Variants in SAMD12 observed in about 807,000 individuals in gnomAD.
SAMD12 encodes sterile alpha motif domain-containing protein 12.
In SAMD12, 9 loss-of-function variants were observed where a neutral mutation model predicts 15.0. That is an observed-to-expected ratio of 0.60 (90% CI 0.36 to 1.05). The LOEUF (loss-of-function observed/expected upper bound fraction) is 1.05. SAMD12 is among the 50% of genes least tolerant of loss of function. The pLI, the probability that SAMD12 is intolerant of heterozygous loss-of-function variation, is 0.01. For synonymous variants in SAMD12, 86 were observed against 90.1 expected, an observed-to-expected ratio of 0.96 and a Z score of 0.25; for missense variants, 230 against 234.2, an observed-to-expected ratio of 0.98 and a Z score of 0.12.
chr8:118,526,764 T>G (rs985678246), intron 2 of SAMD12, among the ~76,000 whole-genome samples: 7 of 151,992 alleles, frequency 4.6e-5, no homozygotes, highest in Non-Finnish European at 1.5e-5. Context: ...TCAAAGGCAG[T>G]CAGAAGCCAG....
Position 118,264,766 on chromosome 8 carries a change from C to T in SAMD12, c.434-67034G>A, listed in dbSNP as rs537505322. Reference sequence around the variant, plus strand: ...CTGTTGGACAAGGGAGTGACAATGACATTTTGTAGATGTGACAGCATAGCA... The same window carrying T: ...CTGTTGGACAAGGGAGTGACAATGATATTTTGTAGATGTGACAGCATAGCA... On this transcript the variant is annotated intron_variant, in intron 4 of 4. Transcript: ENST00000409003. Among the ~76,000 whole-genome samples, 56 of 152,200 alleles carry T rather than the reference C, an allele frequency of 3.7e-4. No homozygotes were observed. The South Asian group carries it at 0.011, about 31-fold the overall frequency.
the SAMD12 span, among the ~76,000 whole-genome samples, chr8:118,162,172 A>G: frequency 6.7e-6 from 1 of 148,860 alleles, no homozygotes; most frequent in Non-Finnish European, 1.5e-5. Context: ...AAAAAAAAAA[A>G]GAAGAAGAAG....
At chr8:118,511,335 T>C (rs1825073902) in intron 2 of SAMD12, among the ~76,000 whole-genome samples, 1 of 152,228 alleles carries the variant, frequency 6.6e-6, no homozygotes, top group South Asian at 2.1e-4. Context: ...CATTAAAAAC[T>C]GTAGGTGATT....
At chr8:118,602,908 GA>G (rs1220481912) in intron 1 of SAMD12, among the ~76,000 whole-genome samples, 2 of 152,096 alleles carry the variant, frequency 1.3e-5, no homozygotes, top group Non-Finnish European at 2.9e-5. Context: ...AAAGAACTAT[GA>G]AGAGAGGAGT....
At chr8:118,200,691 T>C (rs1329008306) in intron 4 of SAMD12, among the ~76,000 whole-genome samples, 1 of 152,210 alleles carries the variant, frequency 6.6e-6, no homozygotes, top group Non-Finnish European at 1.5e-5. Flanking sequence ...GCAGTTAGTA[T>C]TGTGTTCCTT....
intron 2 of SAMD12, among the ~76,000 whole-genome samples, chr8:118,546,085 C>T (rs1395235726): frequency 1.3e-5 from 2 of 152,134 alleles, no homozygotes; most frequent in East Asian, 3.9e-4. Flanking sequence ...CAAACAAATG[C>T]CATCATTCCT....
downstream of SAMD12, among the ~76,000 whole-genome samples, chr8:118,377,459 C>T (rs1819447191): frequency 6.6e-6 from 1 of 152,038 alleles, no homozygotes; most frequent in African/African-American, 2.4e-5. Flanking sequence ...AAGGTAATAT[C>T]AGCACAGACA....
intron 3 of SAMD12, among the ~76,000 whole-genome samples, chr8:118,393,154 G>T (rs190915613): frequency 6.6e-6 from 1 of 152,316 alleles, no homozygotes; most frequent in Admixed American, 6.5e-5. Context: ...CCATGTCAAA[G>T]ATGAGGAAAT....
intron 4 of SAMD12, among the ~76,000 whole-genome samples, chr8:118,293,506 G>A (rs1446114814): frequency 6.6e-6 from 1 of 152,186 alleles, no homozygotes. Context: ...ACATACAGAA[G>A]TCAATTTATA....
At chr8:118,518,867 C>G (rs933149128) in intron 2 of SAMD12, among the ~76,000 whole-genome samples, 1 of 152,162 alleles carries the variant, frequency 6.6e-6, no homozygotes, top group South Asian at 2.1e-4. Context: ...ATTTCCCCAG[C>G]GTCAGGCACC....
At chr8:118,582,415 A>G (rs573418398) in intron 1 of SAMD12, among the ~76,000 whole-genome samples, 3 of 152,300 alleles carry the variant, frequency 2.0e-5, no homozygotes, top group African/African-American at 7.2e-5. Flanking sequence ...ATACTGCTCA[A>G]ATATTCAATG....
At chr8:118,592,181 C>T (rs1436422973) in intron 1 of SAMD12, among the ~76,000 whole-genome samples, 2 of 151,832 alleles carry the variant, frequency 1.3e-5, no homozygotes, top group African/African-American at 2.4e-5. Context: ...ATTAGCTGGG[C>T]ATGGTGGTGC....
At chr8:118,296,447 A>G (rs1814718971) in intron 4 of SAMD12, among the ~76,000 whole-genome samples, 1 of 152,204 alleles carries the variant, frequency 6.6e-6, no homozygotes, top group African/African-American at 2.4e-5. Context: ...TGTGCTTAGC[A>G]CTTAAGAAAA....
chr8:118,140,279 T>C, the SAMD12 span, among the ~76,000 whole-genome samples: 15 of 131,174 alleles, frequency 1.1e-4, no homozygotes, highest in Admixed American at 1.8e-4. Flanking sequence ...TTGTCTTTTA[T>C]TTTTTTTTTT....
At chr8:118,446,905 A>T (rs1369307138) in intron 2 of SAMD12, among the ~76,000 whole-genome samples, 1 of 152,170 alleles carries the variant, frequency 6.6e-6, no homozygotes, top group Non-Finnish European at 1.5e-5. Context: ...ACAGAATCAT[A>T]TATACATATG....
chr8:118,579,936 C>A (rs1827244340), intron 2 of SAMD12, among the ~76,000 whole-genome samples: 1 of 152,160 alleles, frequency 6.6e-6, no homozygotes, highest in East Asian at 1.9e-4. Context: ...TGTAGGGAGC[C>A]TTTAGAAGAG....
At chr8:118,275,958 T>C (rs1053765708) in intron 4 of SAMD12, among the ~76,000 whole-genome samples, 4 of 152,226 alleles carry the variant, frequency 2.6e-5, no homozygotes, top group Non-Finnish European at 4.4e-5. Context: ...CAATCCACCA[T>C]TGATGGGCAC....
chr8:118,498,452 G>A (rs1327300532), intron 2 of SAMD12, among the ~76,000 whole-genome samples: 1 of 152,220 alleles, frequency 6.6e-6, no homozygotes, highest in African/African-American at 2.4e-5. Context: ...ACTGCTAGAG[G>A]TATGTGGATA....
chr8:118,472,208 A>T (rs1338370424), intron 2 of SAMD12, among the ~76,000 whole-genome samples: 1 of 151,326 alleles, frequency 6.6e-6, no homozygotes, highest in Middle Eastern at 3.2e-3. Context: ...TATGGCGTGA[A>T]CCCGGGAGGC....
Sources: allele counts gnomAD v4.1 joint callset (sites outside exome capture counted in the v4.1 genomes callset), GRCh38; gene constraint gnomAD v4.1.1; transcripts MANE v1.5; gene names NCBI Gene and HGNC (gene_info 2026-07-23, HGNC 2026-07-21).